The following LRRC8A variants were observed in gnomAD, a reference collection of about 807,000 sequenced individuals.
The protein encoded by LRRC8A is leucine rich repeat containing 8 VRAC subunit A.
In LRRC8A, 24 loss-of-function variants were observed where a neutral mutation model predicts 52.5. The ratio of observed to expected loss-of-function variants is 0.46; its 90% CI spans 0.33 to 0.64. The LOEUF (loss-of-function observed/expected upper bound fraction) is 0.64, where lower values mean the gene tolerates loss of function less well. Among genes scored for constraint, LRRC8A ranks in the 30% least tolerant of loss-of-function variants. The probability of loss-of-function intolerance (pLI) is 0.02; values close to 1 mark genes in which losing one functional copy is unlikely to be tolerated. For synonymous variants in LRRC8A, 492 were observed against 494.2 expected (o/e 1.00, Z 0.06); for missense variants, 677 against 1,094.7 (o/e 0.62, Z 5.38).
chr9:128,900,900 C>T (rs1451300899), intron 2 of LRRC8A, among the ~76,000 whole-genome samples: 3 of 151,980 alleles, frequency 2.0e-5, no homozygotes, highest in South Asian at 2.1e-4. Flanking sequence ...TGAGGCCCAG[C>T]GCAGTGGCTC....
rs937972576 is a variant in LRRC8A at position 128,892,549 on chromosome 9, C to T, written c.-9+6428C>T. 2.6e-5 allele frequency among the ~76,000 whole-genome samples: 4 copies of T among 152,154 alleles called. No homozygotes were observed. The highest frequency in any genetic ancestry group is 4.8e-5 in the African/African-American group (2 of 41,434). ...TGAGGGTGTACCCTTCTACACAGGG[C>T]GAGTCCCAAGCCAGGCAACACCCCC... On this transcript the variant is annotated intron_variant, in intron 2 of 3. Coordinates refer to ENST00000372600, the MANE Select transcript of LRRC8A (RefSeq NM_019594.4). This position sits in a 1 kb window ranked among gnomAD's most constrained non-coding sequence, Gnocchi z 5.2.
At chr9:128,913,134 G>A (rs1840634052) in intron 3 of LRRC8A, among the ~76,000 whole-genome samples, 4 of 152,150 alleles carry the variant, frequency 2.6e-5, no homozygotes, top group African/African-American at 7.2e-5. Context: ...CAGAAGAGGA[G>A]GGCGAGGCCA....
At chr9:128,887,608 A>C (rs1489805692) in intron 2 of LRRC8A, among the ~76,000 whole-genome samples, 1 of 151,724 alleles carries the variant, frequency 6.6e-6, no homozygotes, top group African/African-American at 2.4e-5. Flanking sequence ...TGAGTTGCTG[A>C]TTCACAGTTT....
In LRRC8A at chr9:128,907,823, A is replaced by G; in HGVS notation, c.659A>G (p.Glu220Gly). Reference sequence around the variant, plus strand: ...CTGCAGCGGACCAAGTCACGGATCGAGCAGGGTATCGTGGACCGCTCAGAG... The same window carrying G: ...CTGCAGCGGACCAAGTCACGGATCGGGCAGGGTATCGTGGACCGCTCAGAG... ...PMLQRTKSRI[E>G]QGIVDRSETG... The change falls in exon 3 of 4, where the codon GAG becomes GGG. Residue 220 changes from glutamate (E) to glycine (G), a missense_variant. Transcript: ENST00000372600. The surrounding 1 kb of genome is among the most constrained non-coding windows in gnomAD (Gnocchi z 9.3). 6.2e-7 allele frequency: 1 copy of G among 1,614,090 alleles called. No homozygotes were observed. The highest frequency in any genetic ancestry group is 2.2e-5 in the East Asian group (1 of 44,882).
At position 128,909,188 on chromosome 9, in the gene LRRC8A, A is replaced by G; in HGVS notation, c.2024A>G (p.Glu675Gly). Residue 675 changes from glutamate to glycine, a missense_variant, in exon 3 of 4, where the codon GAG becomes GGG. This residue lies in a region of LRRC8A where 169 missense variants were observed against 217.6 expected (regional missense o/e 0.78). Coordinates refer to ENST00000372600, the MANE Select transcript of LRRC8A (RefSeq NM_019594.4). ...ERLYLNRNKI[E>G]KIPTQLFYCR... ...CTCTACCTGAACCGCAACAAGATCG[A>G]GAAGATCCCCACCCAGCTCTTCTAC... 1 of 1,614,148 alleles carries G rather than the reference A, an allele frequency of 6.2e-7. No individual in the cohort carries two copies. Among genetic ancestry groups the G allele is most frequent in the South Asian group, 1.1e-5 (1 of 91,084 alleles).
At position 128,897,772 on chromosome 9, in the gene LRRC8A, G is replaced by A. The variant is rs527623421; in HGVS notation, c.-8-9385G>A. Reference sequence around the variant, plus strand: ...TTAGTCAGGCTGGTCTCAAACTCCTGACCTCAGGTGATCCTCCCACCTCGG... The same window carrying A: ...TTAGTCAGGCTGGTCTCAAACTCCTAACCTCAGGTGATCCTCCCACCTCGG... On this transcript the variant is annotated intron_variant, in intron 2 of 3. Transcript: ENST00000372600. Among the ~76,000 whole-genome samples, 10 of 152,024 alleles carry A rather than the reference G, an allele frequency of 6.6e-5. No homozygotes were observed. In the East Asian group the frequency reaches 1.9e-3, roughly 29 times the overall value.
At chr9:128,897,487 C>T (rs886913523) in intron 2 of LRRC8A, among the ~76,000 whole-genome samples, 8 of 152,012 alleles carry the variant, frequency 5.3e-5, no homozygotes, top group Non-Finnish European at 7.4e-5. Flanking sequence ...GGATTACAGA[C>T]GTGAGCCACA....
At chr9:128,890,128 TTTTGTG>T (rs1300717882) in intron 2 of LRRC8A, among the ~76,000 whole-genome samples, 3 of 41,416 alleles carry the variant, frequency 7.2e-5, no homozygotes. Flanking sequence ...AGTGGCTTCA[TTTTGTG>T]TGTGTGTGTG....
intron 3 of LRRC8A, among the ~76,000 whole-genome samples, chr9:128,913,409 G>A (rs1840646585): frequency 6.6e-6 from 1 of 152,168 alleles, no homozygotes; most frequent in African/African-American, 2.4e-5. Flanking sequence ...GGAGGTAGGA[G>A]AGGGTGCAAT....
intron 1 of LRRC8A, among the ~76,000 whole-genome samples, chr9:128,884,525 A>G (rs1198952609): frequency 2.0e-5 from 3 of 152,194 alleles, no homozygotes; most frequent in South Asian, 2.1e-4. Flanking sequence ...CAGAAGACAC[A>G]TAAGTTCTGA....
rs1840363361 is a variant in LRRC8A, at chr9:128,908,685, G to A, written c.1521G>A (p.Glu507=). 6.2e-7 allele frequency: 1 copy of A among 1,612,896 alleles called. No individual in the cohort carries two copies. The highest frequency in any genetic ancestry group is 1.7e-5 in the Admixed American group (1 of 60,002). Residue 507 remains glutamate (E), a synonymous_variant, in exon 3 of 4, where the codon GAG becomes GAA. Transcript: ENST00000372600. ...ALHIKFTDIK[E]IPLWIYSLKT... is the part of the protein sequence containing the mutation. The stretch of plus-strand genomic sequence containing the variant: ...ACATCAAGTTCACCGACATCAAGGA[G>A]ATCCCGCTGTGGATCTATAGCCTGA...
At chr9:128,909,842 A>G (rs1471026971) in intron 3 of LRRC8A, among the ~76,000 whole-genome samples, 3 of 152,160 alleles carry the variant, frequency 2.0e-5, no homozygotes, top group African/African-American at 7.2e-5. Context: ...GAAGCCTTGG[A>G]TGGTCTCTGC....
chr9:128,895,709 G>A (rs951761027), intron 2 of LRRC8A, among the ~76,000 whole-genome samples: 86 of 152,138 alleles, frequency 5.7e-4, no homozygotes, highest in African/African-American at 2.1e-3. Flanking sequence ...AGTTCTGCAG[G>A]GTCCTCAGGG....
intron 1 of LRRC8A, chr9:128,882,561 G>T (rs1839112866): frequency 1.3e-5 from 5 of 397,038 alleles, no homozygotes; most frequent in East Asian, 1.1e-4. Flanking sequence ...TCATCCCCTG[G>T]GTCCCCCCAG....
At chr9:128,891,412 A>G (rs1839613255) in intron 2 of LRRC8A, among the ~76,000 whole-genome samples, 1 of 152,142 alleles carries the variant, frequency 6.6e-6, no homozygotes, top group Non-Finnish European at 1.5e-5. Flanking sequence ...AATTTTTAAA[A>G]ATAGCCAGGT....
intron 3 of LRRC8A, among the ~76,000 whole-genome samples, chr9:128,913,259 T>C (rs943257951): frequency 2.0e-5 from 3 of 152,126 alleles, no homozygotes; most frequent in Non-Finnish European, 4.4e-5. Flanking sequence ...AGACAGCGGC[T>C]TTCCTGCAGT....
chr9:128,908,170 T>G lies in LRRC8A; in HGVS notation c.1006T>G (p.Cys336Gly). ...CCTAGTCATCTTCTACGGCCTCATC[T>G]GCATGTATACACTGTGGTGGATGCT... ...ISLVIFYGLI[C>G]MYTLWWMLRR... The change falls in exon 3 of 4, where the codon TGC becomes GGC. Residue 336 changes from cysteine to glycine, a missense_variant. Coordinates refer to ENST00000372600, the MANE Select transcript of LRRC8A (RefSeq NM_019594.4). 6.2e-7 allele frequency: 1 copy of G among 1,614,096 alleles called. No individual in the cohort carries two copies. Among genetic ancestry groups the G allele is most frequent in the South Asian group, 1.1e-5 (1 of 91,074 alleles).
intron 2 of LRRC8A, among the ~76,000 whole-genome samples, chr9:128,894,775 AGAGT>A (rs1161183443): frequency 7.0e-6 from 1 of 143,656 alleles, no homozygotes; most frequent in African/African-American, 2.6e-5. Flanking sequence ...CCTTGGCAAC[AGAGT>A]GAGACTCTAC....
rs746939187 is a variant in LRRC8A at position 128,908,304 on chromosome 9, C to T, written c.1140C>T (p.Asp380=). 6.2e-7 allele frequency: 1 copy of T among 1,614,146 alleles called. No individual in the cohort carries two copies. The highest frequency in any genetic ancestry group is 1.1e-5 in the South Asian group (1 of 91,084). The change falls in exon 3 of 4, where the codon GAC becomes GAT. Residue 380 remains aspartate, a synonymous_variant. Transcript: ENST00000372600. ...NDFAFMLHLI[D]QYDPLYSKRF... Reference sequence around the variant, plus strand: ...TCGCCTTCATGCTGCACCTCATTGACCAATACGACCCGCTCTACTCCAAGC... The same window carrying T: ...TCGCCTTCATGCTGCACCTCATTGATCAATACGACCCGCTCTACTCCAAGC...
Sources: allele counts gnomAD v4.1 joint callset (sites outside exome capture counted in the v4.1 genomes callset), GRCh38; gene constraint gnomAD v4.1.1; regional missense constraint gnomAD v4.1.1; non-coding constraint Gnocchi (gnomAD v3.1); transcripts MANE v1.5; gene names NCBI Gene and HGNC (gene_info 2026-07-23, HGNC 2026-07-21).